The following BCLAF3 variants were observed in gnomAD, a reference collection of about 807,000 sequenced individuals.
BCLAF3 encodes the protein BCLAF1 and THRAP3 family member 3.
In BCLAF3, 24 loss-of-function variants were observed where a neutral mutation model predicts 51.2. That is an observed-to-expected ratio of 0.47 (90% confidence interval 0.34 to 0.66). The LOEUF is 0.66. BCLAF3 is among the 30% of genes least tolerant of loss of function. The pLI is 0.01. For synonymous variants in BCLAF3, 152 were observed against 176.6 expected, an observed-to-expected ratio of 0.86 and a Z score of 1.10; for missense variants, 465 against 525.1, an observed-to-expected ratio of 0.89 and a Z score of 1.12.
chrX:19,970,274 C>T lies in BCLAF3; in HGVS notation c.-10G>A, dbSNP rs749016386. On this transcript the variant is annotated 5_prime_UTR_variant, in exon 2 of 12. The change creates a new upstream start codon in the 5' untranslated region. Coordinates refer to ENST00000379682, the MANE Select transcript of BCLAF3 (RefSeq NM_001367774.2). ...ATCGTGACCGTGCCATCCTTTGACA[C>T]GTGAGCCACTATCCACTTTTTACAC... 7.4e-6 allele frequency: 9 copies of T among 1,211,388 alleles called. No homozygotes were observed. Among genetic ancestry groups the T allele is most frequent in the Middle Eastern group, 2.3e-4 (1 of 4,351 alleles).
At chrX:19,976,753 CAG>C (rs911862297) in intron 1 of BCLAF3, among the ~76,000 whole-genome samples, 33 of 112,054 alleles carry the variant, frequency 2.9e-4, no homozygotes, top group African/African-American at 1.0e-3. Context: ...CAAAAGGAAA[CAG>C]TAAGTCTGTA....
chrX:19,923,743 T>C (rs1245713614), intron 11 of BCLAF3, among the ~76,000 whole-genome samples: 1 of 111,743 alleles, frequency 8.9e-6, no homozygotes, highest in Non-Finnish European at 1.9e-5. Context: ...AATCATACAA[T>C]ATGTGGTCTT....
At chrX:19,946,381 A>G (rs2071298995) in intron 8 of BCLAF3, among the ~76,000 whole-genome samples, 1 of 112,169 alleles carries the variant, frequency 8.9e-6, no homozygotes, top group South Asian at 3.7e-4. Context: ...CAGATGCTAC[A>G]TACAGAGGAT....
At chrX:19,951,881 T>C (rs1274998434) in intron 7 of BCLAF3, among the ~76,000 whole-genome samples, 1 of 111,430 alleles carries the variant, frequency 9.0e-6, no homozygotes, top group African/African-American at 3.3e-5. Context: ...TGAGCCATAA[T>C]TGCACCACTG....
rs2072911092 is a variant in BCLAF3 at position 19,990,918 on chromosome X, AGCCCCCGCCGCCGCC to A, written c.-60_-46del. On this transcript the variant is annotated 5_prime_UTR_variant, in exon 1 of 12. Transcript: ENST00000379682. ...CCCCGAGCCGCTCACCCGGCCGGGA[AGCCCCCGCCGCCGCC>A]GCCGCCGCCGCCGCCGCCGCCGCCG... 1.2e-4 allele frequency among the ~76,000 whole-genome samples: 9 copies of A among 73,950 alleles called. No individual in the cohort carries two copies. The highest frequency in any genetic ancestry group is 5.2e-5 in the Non-Finnish European group (2 of 38,698). 64.2% of individuals were successfully genotyped at this position (73,950 alleles called of 115,157 possible).
rs183942849 is a variant in BCLAF3 at position 19,962,677 on chromosome X, T to C, written c.1274+2367A>G. Reference sequence around the variant, plus strand: ...CAATAGATGAATAGATGTGTAATTATGAAAGTAAACTGTTAATTGTAGACT... The same window carrying C: ...CAATAGATGAATAGATGTGTAATTACGAAAGTAAACTGTTAATTGTAGACT... On this transcript the variant is annotated intron_variant, in intron 4 of 11. Transcript: ENST00000379682. 8.9e-3 allele frequency among the ~76,000 whole-genome samples: 1,005 copies of C among 112,618 alleles called. 15 individuals are homozygous for C. The highest frequency in any genetic ancestry group is 0.031 in the African/African-American group (953 of 31,069).
rs760602742 is a variant in BCLAF3 at position 19,955,606 on chromosome X, T to C, written c.1275-40A>G. ...AAATGTTTAACTAAATTTGAAACTATTTTGTGGAGAAAAGAATTTATCAAA... is the reference window on the plus strand; with the variant it reads ...AAATGTTTAACTAAATTTGAAACTACTTTGTGGAGAAAAGAATTTATCAAA... On this transcript the variant is annotated intron_variant, in intron 4 of 11. Coordinates refer to ENST00000379682, the MANE Select transcript of BCLAF3 (RefSeq NM_001367774.2). 4 of 1,061,998 alleles carry C rather than the reference T, an allele frequency of 3.8e-6. No individual in the cohort carries two copies. The Admixed American group carries it at 1.3e-4, about 33-fold the overall frequency. 87.5% of individuals were successfully genotyped at this position (1,061,998 alleles called of 1,213,427 possible).
intron 1 of BCLAF3, among the ~76,000 whole-genome samples, chrX:19,971,615 G>C (rs1314158022): frequency 8.9e-6 from 1 of 111,950 alleles, no homozygotes; most frequent in Non-Finnish European, 1.9e-5. Flanking sequence ...CACATAAGTA[G>C]GTATAATCTC....
At chrX:19,945,065 A>G (rs2071214553) in intron 8 of BCLAF3, among the ~76,000 whole-genome samples, 2 of 109,166 alleles carry the variant, frequency 1.8e-5, no homozygotes, top group African/African-American at 6.7e-5. Context: ...AGTTGATCGC[A>G]TCGGCTCCTG....
intron 8 of BCLAF3, among the ~76,000 whole-genome samples, chrX:19,949,825 C>T (rs749037283): frequency 1.1e-4 from 12 of 111,998 alleles, no homozygotes; most frequent in Non-Finnish European, 1.7e-4. Flanking sequence ...TGTATTCATA[C>T]AGTCTCACTT....
At chrX:19,953,963 A>G in intron 5 of BCLAF3, 71 bp from the exon 6 acceptor site, 1 of 1,119,253 alleles carries the variant, frequency 8.9e-7, no homozygotes, top group Non-Finnish European at 1.2e-6. Context: ...ATATAAGCAC[A>G]GAAAGAAGGG....
chrX:19,981,917 TG>T (rs112590483), intron 1 of BCLAF3, among the ~76,000 whole-genome samples: 39,029 of 108,323 alleles, frequency 0.36, 8,614 homozygotes, highest in African/African-American at 0.83. Flanking sequence ...AGTTTCTTTT[TG>T]GGGGTGAAGA....
chrX:19,932,125 T>C (rs1295783698), intron 10 of BCLAF3, among the ~76,000 whole-genome samples: 1 of 112,309 alleles, frequency 8.9e-6, no homozygotes, highest in African/African-American at 3.2e-5. Context: ...AAATGAGAAT[T>C]TTACTCAGAA....
chrX:19,948,644 G>C (rs1032087868), intron 8 of BCLAF3, among the ~76,000 whole-genome samples: 8 of 109,308 alleles, frequency 7.3e-5, no homozygotes, highest in African/African-American at 2.7e-4. Flanking sequence ...GGTGGCAGGA[G>C]CCTGTGGTCC....
At chrX:19,935,693 T>G in intron 10 of BCLAF3, 116 bp downstream of exon 10, 1 of 579,445 alleles carries the variant, frequency 1.7e-6, no homozygotes, top group Admixed American at 2.7e-5. Flanking sequence ...AATACTAGTT[T>G]ATAGCTACCA....
intron 1 of BCLAF3, among the ~76,000 whole-genome samples, chrX:19,989,936 AAAAAT>A (rs750139315): frequency 4.8e-4 from 54 of 111,662 alleles, no homozygotes; most frequent in Non-Finnish European, 8.1e-4. Context: ...AAAAAACATT[AAAAAT>A]AAAACATTGC....
At chrX:19,959,984 T>C (rs1472003724) in intron 4 of BCLAF3, among the ~76,000 whole-genome samples, 5 of 109,834 alleles carry the variant, frequency 4.6e-5, no homozygotes, top group Non-Finnish European at 7.6e-5. Flanking sequence ...TTTGTAAAGA[T>C]GGAGTTTCAC....
intron 1 of BCLAF3, among the ~76,000 whole-genome samples, chrX:19,986,059 TAAC>T (rs2072792048): frequency 9.4e-6 from 1 of 106,801 alleles, no homozygotes; most frequent in African/African-American, 3.4e-5. Flanking sequence ...TTGAAAAAAA[TAAC>T]AAAATAAAAT....
At chrX:19,970,094 A>G in intron 2 of BCLAF3, 130 bp downstream of exon 2, 1 of 537,580 alleles carries the variant, frequency 1.9e-6, no homozygotes, top group African/African-American at 2.2e-5. Flanking sequence ...GTAGAAATAC[A>G]ACCTCCACTA....
Sources: allele counts gnomAD v4.1 joint callset (sites outside exome capture counted in the v4.1 genomes callset), GRCh38; gene constraint gnomAD v4.1.1; transcripts MANE v1.5; gene names NCBI Gene and HGNC (gene_info 2026-07-23, HGNC 2026-07-21).